ARHGEF28: variants seen among roughly 807,000 people sequenced by gnomAD.
The protein encoded by ARHGEF28 is 190 kDa guanine nucleotide exchange factor.
Under a neutral mutation model 206.6 loss-of-function variants are expected in ARHGEF28, and 152 were observed. The observed-to-expected ratio is 0.74, with a 90% confidence interval of 0.64 to 0.84. The LOEUF (loss-of-function observed/expected upper bound fraction) is 0.84. Among genes scored for constraint, ARHGEF28 ranks in the 40% least tolerant of loss-of-function variants. The pLI, the probability that ARHGEF28 is intolerant of heterozygous loss-of-function variation, is 0.00. For missense variants in ARHGEF28, 2,028 were observed against 2,073.2 expected (o/e 0.98, Z 0.42); for synonymous variants, 763 against 776.4 (o/e 0.98, Z 0.29).
At chr5:73,680,012 G>A (rs1347587340) in intron 1 of ARHGEF28, among the ~76,000 whole-genome samples, 1 of 152,194 alleles carries the variant, frequency 6.6e-6, no homozygotes, top group Non-Finnish European at 1.5e-5. Context: ...CTTTGTTGCA[G>A]AACCTTGCTC....
At chr5:73,827,648 C>T (rs1272912060) in intron 9 of ARHGEF28, among the ~76,000 whole-genome samples, 1 of 152,206 alleles carries the variant, frequency 6.6e-6, no homozygotes, top group East Asian at 1.9e-4. Context: ...CTTTTAACCA[C>T]TGCAACACAC....
rs1390155991 is a variant in ARHGEF28, at chr5:73,666,683, T to C, written c.-11-18158T>C. 3.3e-5 allele frequency among the ~76,000 whole-genome samples: 5 copies of C among 152,296 alleles called. 1 individual carries two copies. In the South Asian group the frequency reaches 8.3e-4, roughly 25 times the overall value. ...AAGAACTTTATTTCTCATAAAGGGT[T>C]GCAGCCAGCAGAGTGGCCATTCTGA... On this transcript the variant is annotated intron_variant, in intron 1 of 35. Coordinates refer to ENST00000513042, the MANE Select transcript of ARHGEF28 (RefSeq NM_001177693.2).
intron 2 of ARHGEF28, among the ~76,000 whole-genome samples, chr5:73,708,130 G>A (rs772820854): frequency 6.6e-6 from 1 of 151,772 alleles, no homozygotes; most frequent in Non-Finnish European, 1.5e-5. Flanking sequence ...TAGATAAAGA[G>A]TTTGTATATG....
At position 73,873,101 on chromosome 5, in the gene ARHGEF28, T is replaced by C; in HGVS notation, c.2669T>C (p.Val890Ala). 6.2e-7 allele frequency: 1 copy of C among 1,613,278 alleles called. No homozygotes were observed. The highest frequency in any genetic ancestry group is 8.5e-7 in the Non-Finnish European group (1 of 1,179,600). Residue 890 changes from valine to alanine, a missense_variant, in exon 22 of 36, where the codon GTG becomes GCG. Val to Ala is a moderately conservative substitution (Grantham distance 64). Around this residue, in one of 3 missense-constraint regions of ARHGEF28, gnomAD observed 223 missense variants for 289.9 expected, o/e 0.77. Coordinates refer to ENST00000513042, the MANE Select transcript of ARHGEF28 (RefSeq NM_001177693.2). ...KEELQLDHST[V>A]DKIFPCLDEL... is the part of the protein sequence containing the mutation. ...GAGCTGCAGCTGGACCACAGCACCG[T>C]GGATAAAATTTTCCCCTGTTTAGAT...
intron 2 of ARHGEF28, among the ~76,000 whole-genome samples, chr5:73,695,361 CT>C (rs11348843): frequency 0.026 from 3,984 of 152,204 alleles, 190 homozygotes; most frequent in African/African-American, 0.092. Context: ...GCTTTCCCCT[CT>C]TTTTCTCGCG....
At chr5:73,755,112 T>G (rs1164198455) in intron 4 of ARHGEF28, among the ~76,000 whole-genome samples, 1 of 151,498 alleles carries the variant, frequency 6.6e-6, no homozygotes, top group Non-Finnish European at 1.5e-5. Flanking sequence ...GATACACCCT[T>G]TCTATCTCAC....
In ARHGEF28 at chr5:73,675,507, C is replaced by T. The variant is rs547399669; in HGVS notation, c.-11-9334C>T. 1.1e-4 allele frequency among the ~76,000 whole-genome samples: 16 copies of T among 151,992 alleles called. No individual in the cohort carries two copies. The South Asian group carries it at 1.9e-3, about 18-fold the overall frequency. ...CAGCACTTTGGGAGGCCCAGGCAGG[C>T]GGATCACAAGGTCAGGAGATTGAGA... On this transcript the variant is annotated intron_variant, in intron 1 of 35. Transcript: ENST00000513042.
intron 9 of ARHGEF28, among the ~76,000 whole-genome samples, chr5:73,824,307 T>G (rs1756765681): frequency 6.6e-6 from 1 of 152,180 alleles, no homozygotes; most frequent in Admixed American, 6.5e-5. Context: ...GGGAAGTTAC[T>G]TATCCTACCA....
intron 17 of ARHGEF28, among the ~76,000 whole-genome samples, chr5:73,865,430 T>C (rs868785551): frequency 6.6e-5 from 10 of 152,304 alleles, no homozygotes; most frequent in Middle Eastern, 3.4e-3. Context: ...TCCTTTCTTT[T>C]CCACTCAGTA....
chr5:73,683,832 G>A (rs17552185), intron 1 of ARHGEF28, among the ~76,000 whole-genome samples: 2,981 of 152,238 alleles, frequency 0.02, 28 homozygotes, highest in South Asian at 0.051. Flanking sequence ...GGAGCCAAGC[G>A]ATGAACACAG....
intron 35 of ARHGEF28, among the ~76,000 whole-genome samples, chr5:73,914,021 A>G (rs1159987291): frequency 6.6e-6 from 1 of 152,168 alleles, no homozygotes; most frequent in Non-Finnish European, 1.5e-5. Context: ...TATAAAAACA[A>G]TTCTCCAATG....
intron 2 of ARHGEF28, among the ~76,000 whole-genome samples, chr5:73,741,980 T>A (rs1024096008): frequency 2.0e-5 from 3 of 152,170 alleles, no homozygotes; most frequent in Non-Finnish European, 2.9e-5. Flanking sequence ...TTGCTTTATA[T>A]CTTTTGAAGA....
intron 7 of ARHGEF28, among the ~76,000 whole-genome samples, chr5:73,787,106 G>A (rs1446192823): frequency 6.6e-6 from 1 of 152,128 alleles, no homozygotes; most frequent in Non-Finnish European, 1.5e-5. Context: ...TAGCTCAAGG[G>A]CTTTTTAGGA....
intron 1 of ARHGEF28, among the ~76,000 whole-genome samples, chr5:73,671,035 AACTGTAGAATCT>A (rs1746271974): frequency 6.6e-6 from 1 of 152,128 alleles, no homozygotes; most frequent in African/African-American, 2.4e-5. Flanking sequence ...ATCCGATGAA[AACTGTAGAATCT>A]TGACAGAAAA....
rs559497887 is a variant in ARHGEF28, at chr5:73,754,438, C to T, written c.475+1236C>T. Among the ~76,000 whole-genome samples, 8 of 152,090 alleles carry T rather than the reference C, an allele frequency of 5.3e-5. No homozygotes were observed. The South Asian group carries it at 6.2e-4, about 12-fold the overall frequency. On this transcript the variant is annotated intron_variant, in intron 4 of 35. Transcript: ENST00000513042. The stretch of plus-strand genomic sequence containing the variant: ...TCTCCTGTGTGGTGGCTAATTGATA[C>T]GTATGGCGTGGGCTCCCTGAGGGTG...
chr5:73,782,316 G>C (rs1753897438), intron 7 of ARHGEF28, among the ~76,000 whole-genome samples: 1 of 152,018 alleles, frequency 6.6e-6, no homozygotes, highest in African/African-American at 2.4e-5. Flanking sequence ...GTGTGCACCT[G>C]TAATGCCAGC....
chr5:73,754,211 G>T (rs1170281822), intron 4 of ARHGEF28, among the ~76,000 whole-genome samples: 1 of 152,026 alleles, frequency 6.6e-6, no homozygotes, highest in East Asian at 1.9e-4. Flanking sequence ...CACTGCTCTG[G>T]GTAAAGGGGT....
intron 1 of ARHGEF28, among the ~76,000 whole-genome samples, chr5:73,666,022 T>C (rs1745931578): frequency 6.6e-6 from 1 of 152,164 alleles, no homozygotes; most frequent in Admixed American, 6.5e-5. Context: ...TGATTCACCC[T>C]GAGGCAAGTT....
intron 21 of ARHGEF28, among the ~76,000 whole-genome samples, chr5:73,872,482 A>G (rs1047460963): frequency 2.0e-5 from 3 of 152,002 alleles, no homozygotes; most frequent in Non-Finnish European, 4.4e-5. Flanking sequence ...ATTGTGATGC[A>G]TTGTTTTCCT....
Sources: gnomAD v4.1 joint callset for allele counts (sites outside exome capture counted in the v4.1 genomes callset) on GRCh38, gnomAD v4.1.1 for gene constraint, gnomAD v4.1.1 regional missense constraint, MANE v1.5 for transcripts, NCBI Gene and HGNC (gene_info 2026-07-23, HGNC 2026-07-21) for gene names.